KALRN: variants seen among roughly 807,000 people sequenced by gnomAD.
KALRN encodes the protein kalirin RhoGEF kinase, also known as kalirin.
KALRN carries 70 observed loss-of-function variants against 353.7 expected under a neutral mutation model. The ratio of observed to expected loss-of-function variants is 0.20; its 90% CI spans 0.16 to 0.24. The LOEUF (loss-of-function observed/expected upper bound fraction) is 0.24, where lower values mean the gene tolerates loss of function less well. KALRN is among the 10% of genes least tolerant of loss of function. The pLI, the probability that KALRN is intolerant of heterozygous loss-of-function variation, is 1.00. For missense variants in KALRN, 2,791 were observed against 3,756.7 expected, an observed-to-expected ratio of 0.74 and a Z score of 6.72; for synonymous variants, 1,391 against 1,434.8, an observed-to-expected ratio of 0.97 and a Z score of 0.69.
chr3:124,094,922 A>G (rs2061339638), intron 1 of KALRN: 3 of 1,609,286 alleles, frequency 1.9e-6, no homozygotes, highest in South Asian at 1.1e-5. Context: ...GAGTGTGTGT[A>G]TGCTTGTATG....
rs752482729 is a variant in KALRN at position 124,298,936 on chromosome 3, G to C, written c.1092+23G>C. The C allele has an allele frequency of 5.6e-6, 9 of 1,614,044 alleles. No homozygotes were observed. In the South Asian group the frequency reaches 9.9e-5, roughly 18 times the overall value. On this transcript the variant is annotated intron_variant, in intron 6 of 59. Transcript: ENST00000682506. ...ATGGTGAGCTGAGGGGCTGTTCTCA[G>C]CACTGCCTCTGGGAGTGGGAGAGTG...
chr3:124,404,152 G>GAAAAAAAAA (rs2091224566), intron 13 of KALRN, among the ~76,000 whole-genome samples: 1 of 5,628 alleles, frequency 1.8e-4, no homozygotes. Context: ...TCTGCTCTCT[G>GAAAAAAAAA]GAAAAAAAAA....
intron 1 of KALRN, among the ~76,000 whole-genome samples, chr3:124,144,520 TCTCCTCTTCCTCGTCCTC>T (rs932654843): frequency 1.3e-5 from 2 of 149,218 alleles, no homozygotes; most frequent in African/African-American, 5.0e-5. Flanking sequence ...TTGTCCTCCT[TCTCCTCTTCCTCGTCCTC>T]CTCCTCTTCC....
At chr3:124,688,384 G>T (rs759832179) in intron 51 of KALRN, among the ~76,000 whole-genome samples, 75 of 150,690 alleles carry the variant, frequency 5.0e-4, no homozygotes, top group Non-Finnish European at 9.7e-4. Flanking sequence ...AGTTTGGCCA[G>T]ATTGAAAACA....
chr3:124,540,350 G>A (rs1413971539), intron 33 of KALRN, among the ~76,000 whole-genome samples: 1 of 152,120 alleles, frequency 6.6e-6, no homozygotes, highest in Non-Finnish European at 1.5e-5. Context: ...CATGCGCCCA[G>A]GTCTATATAT....
chr3:124,089,447 G>A (rs537306046), intron 1 of KALRN, among the ~76,000 whole-genome samples: 1 of 151,846 alleles, frequency 6.6e-6, no homozygotes, highest in South Asian at 2.1e-4. Context: ...CAAACCTCCT[G>A]GGGGGTGAAC....
chr3:124,334,596 TAGA>T lies in KALRN; in HGVS notation c.1647+104_1647+106del, dbSNP rs1461410543. 1.4e-6 allele frequency: 1 copy of T among 732,730 alleles called. No individual in the cohort carries two copies. The highest frequency in any genetic ancestry group is 2.3e-6 in the Non-Finnish European group (1 of 439,700). The allele number at this position is 732,730 out of a possible 1,614,324, so 45.4% of individuals were successfully genotyped here. ...TCAGGCTTAGGAGAGCCCAGATTTA[TAGA>T]AGGACATAATGAAATTCAGCTCTCA... On this transcript the variant is annotated intron_variant, in intron 9 of 59. Coordinates refer to ENST00000682506, the MANE Select transcript of KALRN (RefSeq NM_001388419.1). The surrounding 1 kb of genome is among the most constrained non-coding windows in gnomAD (Gnocchi z 4.2).
Position 124,130,883 on chromosome 3 carries a change from A to C in KALRN, c.73+97070A>C, listed in dbSNP as rs76998374. ...AAGGAAGCCAGACATAAGAGAATACATATTGTATTCTCCCACTTATATGAC... is the reference window on the plus strand; with the variant it reads ...AAGGAAGCCAGACATAAGAGAATACCTATTGTATTCTCCCACTTATATGAC... On this transcript the variant is annotated intron_variant, in intron 1 of 59. Coordinates refer to ENST00000682506, the MANE Select transcript of KALRN (RefSeq NM_001388419.1). Among the ~76,000 whole-genome samples the C allele has an allele frequency of 7.0e-4, 106 of 152,314 alleles. No individual in the cohort carries two copies. In the South Asian group the frequency reaches 0.014, roughly 20 times the overall value.
At chr3:124,591,262 C>T (rs59042049) in intron 34 of KALRN, among the ~76,000 whole-genome samples, 1,833 of 152,306 alleles carry the variant, frequency 0.012, 44 homozygotes, top group African/African-American at 0.041. Flanking sequence ...TCTGGTTCAA[C>T]TTAATTCAGG....
Position 124,482,867 on chromosome 3 carries a change from C to T in KALRN, c.4251C>T (p.Val1417=), listed in dbSNP as rs1333226379. ...TCTCTTCCTACCTAATTAAGCCTGT[C>T]CAAAGGATCACCAAATATCAACTGC... ...NSISSYLIKP[V]QRITKYQLLL... The change falls in exon 28 of 60, where the codon GTC becomes GTT. Residue 1417 remains valine (V), a synonymous_variant. Transcript: ENST00000682506. The T allele has an allele frequency of 1.2e-6, 2 of 1,613,228 alleles. No homozygotes were observed. Among genetic ancestry groups the T allele is most frequent in the South Asian group, 1.1e-5 (1 of 91,074 alleles).
rs1429582172 is a variant in KALRN at position 124,629,107 on chromosome 3, A to T, written c.5183-3313A>T. 2.0e-5 allele frequency among the ~76,000 whole-genome samples: 3 copies of T among 152,184 alleles called. No homozygotes were observed. In the East Asian group the frequency reaches 5.8e-4, roughly 29 times the overall value. On this transcript the variant is annotated intron_variant, in intron 34 of 59. Transcript: ENST00000682506. Reference sequence around the variant, plus strand: ...TTTAAATATCAGTATGCAAACCGGCACTGTCAGGGGGCCTATGTGCGGGTG... The same window carrying T: ...TTTAAATATCAGTATGCAAACCGGCTCTGTCAGGGGGCCTATGTGCGGGTG...
chr3:124,183,220 G>A (rs1484299649), intron 1 of KALRN, among the ~76,000 whole-genome samples: 1 of 152,104 alleles, frequency 6.6e-6, no homozygotes, highest in Middle Eastern at 3.2e-3. Flanking sequence ...ATTAATTACT[G>A]GGCAATTTTA....
chr3:124,628,203 CCCCTCCTTCCTTCCCTCCCT>C (rs2080237011), intron 34 of KALRN, among the ~76,000 whole-genome samples: 1 of 38,434 alleles, frequency 2.6e-5, no homozygotes, highest in African/African-American at 1.6e-4. Context: ...CCTCCCTCCC[CCCCTCCTTCCTTCCCTCCCT>C]CCCTCCTTCC....
At chr3:124,054,522 GC>G (rs2041343011) in intron 1 of KALRN, among the ~76,000 whole-genome samples, 1 of 152,112 alleles carries the variant, frequency 6.6e-6, no homozygotes, top group African/African-American at 2.4e-5. Context: ...CTTCCCTGAA[GC>G]TATGGCAGAC....
chr3:124,596,481 CAAAA>C (rs772259218), intron 34 of KALRN, among the ~76,000 whole-genome samples: 4 of 151,624 alleles, frequency 2.6e-5, no homozygotes, highest in Non-Finnish European at 4.4e-5. Flanking sequence ...AACAAACAAA[CAAAA>C]AAACCCCACA....
At position 124,398,818 on chromosome 3, in the gene KALRN, A is replaced by C; in HGVS notation, c.2293A>C (p.Ile765Leu). The change falls in exon 13 of 60, where the codon ATC becomes CTC. Residue 765 changes from isoleucine to leucine, a missense_variant. Ile to Leu is a conservative substitution (Grantham distance 5). Around this residue, in one of 11 missense-constraint regions of KALRN, gnomAD observed 452 missense variants for 575.8 expected, o/e 0.78. Coordinates refer to ENST00000682506, the MANE Select transcript of KALRN (RefSeq NM_001388419.1). ...GGAGGAGCTGTTCCACGAGCGGAAG[A>C]TCAAGCTGGACATCTTCCTGCAACT... is the stretch of plus-strand genomic sequence containing the variant. ...QMEELFHERK[I>L]KLDIFLQLRI... is the part of the protein sequence containing the mutation. 1.2e-6 allele frequency: 2 copies of C among 1,614,136 alleles called. No individual in the cohort carries two copies. Among genetic ancestry groups the C allele is most frequent in the Non-Finnish European group, 1.7e-6 (2 of 1,180,020 alleles).
intron 1 of KALRN, among the ~76,000 whole-genome samples, chr3:124,042,504 C>G (rs2040055156): frequency 6.6e-6 from 1 of 152,140 alleles, no homozygotes; most frequent in African/African-American, 2.4e-5. Flanking sequence ...ACTTGAGAAG[C>G]AGCAGCAGAA....
chr3:124,392,593 A>T (rs1576539441), intron 11 of KALRN, among the ~76,000 whole-genome samples: 7 of 128,976 alleles, frequency 5.4e-5, no homozygotes, highest in East Asian at 2.3e-4. Context: ...TTTATTGTAT[A>T]TTTTCTTTTC....
intron 14 of KALRN, among the ~76,000 whole-genome samples, chr3:124,420,911 A>G (rs1479230513): frequency 6.6e-6 from 1 of 152,130 alleles, no homozygotes; most frequent in African/African-American, 2.4e-5. Context: ...AATCTCCCAA[A>G]TGGGATTTAT....
Sources: gnomAD v4.1 joint callset for allele counts (sites outside exome capture counted in the v4.1 genomes callset) on GRCh38, gnomAD v4.1.1 for gene constraint, gnomAD v4.1.1 regional missense constraint, Gnocchi (gnomAD v3.1) non-coding constraint, MANE v1.5 for transcripts, NCBI Gene and HGNC (gene_info 2026-07-23, HGNC 2026-07-21) for gene names.